Variants in BABAM2 observed in about 807,000 individuals in gnomAD.
BABAM2 encodes the protein BRISC and BRCA1 A complex member 2, also known as BRISC and BRCA1-A complex member 2.
Under a neutral mutation model 54.7 loss-of-function variants are expected in BABAM2, and 31 were observed. The observed-to-expected ratio is 0.57, with a 90% CI of 0.43 to 0.77. The LOEUF is 0.77. Ranked by LOEUF, BABAM2 falls within the 30% of genes least tolerant of loss-of-function variation. The probability of loss-of-function intolerance (pLI) is 0.00; values close to 1 mark genes in which losing one functional copy is unlikely to be tolerated. For missense variants in BABAM2, 364 were observed against 455.8 expected (o/e 0.80, Z 1.83); for synonymous variants, 167 against 162.9 (o/e 1.03, Z -0.19).
intron 6 of BABAM2, among the ~76,000 whole-genome samples, chr2:28,088,262 G>A (rs887847370): frequency 6.6e-6 from 1 of 152,068 alleles, no homozygotes; most frequent in African/African-American, 2.4e-5. Flanking sequence ...TTAATCACTA[G>A]TACTTACAAT....
chr2:28,260,946 T>C (rs146283343), intron 10 of BABAM2, among the ~76,000 whole-genome samples: 24,546 of 147,016 alleles, frequency 0.17, 1,952 homozygotes, highest in African/African-American at 0.19. Flanking sequence ...TCTTTCTTTT[T>C]TTTTTTTTTT....
chr2:28,112,814 A>T (rs1011346521), intron 6 of BABAM2, among the ~76,000 whole-genome samples: 23 of 151,982 alleles, frequency 1.5e-4, no homozygotes, highest in Admixed American at 1.2e-3. Flanking sequence ...ACTAATTTAC[A>T]CTCTCAACAG....
At position 27,995,085 on chromosome 2, in the gene BABAM2, C is replaced by T. The variant is rs1673047248; in HGVS notation, c.300+6998C>T. 6.6e-6 allele frequency among the ~76,000 whole-genome samples: 1 copy of T among 152,180 alleles called. No homozygotes were observed. The highest frequency in any genetic ancestry group is 2.1e-4 in the South Asian group (1 of 4,830). On this transcript the variant is annotated intron_variant, in intron 4 of 11. Transcript: ENST00000379624. This position sits in a 1 kb window ranked among gnomAD's most constrained non-coding sequence, Gnocchi z 4.1. ...CCCTTTCCCCCATCACACCCCGTCA[C>T]AGCTGAGATTCCTACCTCCTTGTTG... is the stretch of plus-strand genomic sequence containing the variant.
intron 2 of BABAM2, among the ~76,000 whole-genome samples, chr2:27,924,066 T>G (rs1026655670): frequency 5.3e-5 from 8 of 152,232 alleles, no homozygotes; most frequent in African/African-American, 1.9e-4. Context: ...TTCTGAAATC[T>G]GTCTATGTGT....
At chr2:28,168,789 GT>G (rs1179933990) in intron 7 of BABAM2, among the ~76,000 whole-genome samples, 1 of 152,168 alleles carries the variant, frequency 6.6e-6, no homozygotes, top group African/African-American at 2.4e-5. Context: ...TGTCTTCACA[GT>G]TTTTTTCCCT....
chr2:28,308,279 C>G (rs1320772195), intron 11 of BABAM2: 1 of 404,202 alleles, frequency 2.5e-6, no homozygotes, highest in South Asian at 2.1e-5. Context: ...AAGATCCAAT[C>G]CACACATCAC....
At chr2:28,127,416 G>A (rs1231576189) in intron 6 of BABAM2, among the ~76,000 whole-genome samples, 1 of 152,138 alleles carries the variant, frequency 6.6e-6, no homozygotes, top group African/African-American at 2.4e-5. Context: ...GGGGTCAGTA[G>A]TAGGCTATCG....
rs184000204 is a variant in BABAM2 at position 28,288,404 on chromosome 2, C to T, written c.935-9934C>T. Among the ~76,000 whole-genome samples, 682 of 150,708 alleles carry T rather than the reference C, an allele frequency of 4.5e-3. 6 individuals are homozygous for T. Among genetic ancestry groups the T allele is most frequent in the African/African-American group, 0.016 (642 of 40,964 alleles). Reference sequence around the variant, plus strand: ...GCAATGGCGTGATCTCACCTCATTGCAACCTCCCCCTCCCCGGTTCAAGCA... The same window carrying T: ...GCAATGGCGTGATCTCACCTCATTGTAACCTCCCCCTCCCCGGTTCAAGCA... On this transcript the variant is annotated intron_variant, in intron 10 of 11. Transcript: ENST00000379624.
At chr2:28,212,309 G>A (rs951485823) in intron 7 of BABAM2, among the ~76,000 whole-genome samples, 20 of 152,172 alleles carry the variant, frequency 1.3e-4, no homozygotes, top group African/African-American at 4.8e-4. Context: ...TAGGTTCATT[G>A]GGCTATGCTT....
intron 5 of BABAM2, among the ~76,000 whole-genome samples, chr2:28,028,623 C>A (rs912826253): frequency 6.6e-6 from 1 of 152,096 alleles, no homozygotes; most frequent in African/African-American, 2.4e-5. Flanking sequence ...ATTCCATAAA[C>A]GTTTTTGAAT....
chr2:28,334,559 C>T (rs1691251523), intron 11 of BABAM2, among the ~76,000 whole-genome samples: 1 of 152,264 alleles, frequency 6.6e-6, no homozygotes, highest in Admixed American at 6.5e-5. Context: ...TGGGATGGGC[C>T]AGACTCCACA....
intron 6 of BABAM2, among the ~76,000 whole-genome samples, chr2:28,095,816 G>T (rs771480464): frequency 6.6e-6 from 1 of 152,176 alleles, no homozygotes; most frequent in Non-Finnish European, 1.5e-5. Flanking sequence ...AATCCTGGGT[G>T]TTGCATCCTA....
At chr2:28,179,802 A>C (rs1279499132) in intron 7 of BABAM2, among the ~76,000 whole-genome samples, 1 of 152,228 alleles carries the variant, frequency 6.6e-6, no homozygotes, top group Non-Finnish European at 1.5e-5. Flanking sequence ...ATCAACATAC[A>C]AAATAAATAG....
In BABAM2 at chr2:28,329,493, G is replaced by A. The variant is rs1172360216; in HGVS notation, c.1089-8957G>A. On this transcript the variant is annotated intron_variant, in intron 11 of 11. Transcript: ENST00000379624. The surrounding 1 kb of genome is among the most constrained non-coding windows in gnomAD (Gnocchi z 4.2). The stretch of plus-strand genomic sequence containing the variant: ...TGCTAGTCAATAAAAAATGATAAAG[G>A]GGCTATCACCACTGACCCCACAGAA... 6.6e-6 allele frequency among the ~76,000 whole-genome samples: 1 copy of A among 151,976 alleles called. No individual in the cohort carries two copies. The highest frequency in any genetic ancestry group is 6.6e-5 in the Admixed American group (1 of 15,236).
At chr2:28,006,370 A>G (rs1338817553) in intron 4 of BABAM2, among the ~76,000 whole-genome samples, 1 of 152,078 alleles carries the variant, frequency 6.6e-6, no homozygotes, top group Non-Finnish European at 1.5e-5. Flanking sequence ...AATAAGGACT[A>G]TGTGCTTTAT....
chr2:28,336,313 T>C (rs966356393), intron 11 of BABAM2, among the ~76,000 whole-genome samples: 17 of 152,180 alleles, frequency 1.1e-4, no homozygotes, highest in African/African-American at 4.1e-4. Context: ...AAACTGAAGG[T>C]TCTGTTACAG....
intron 6 of BABAM2, among the ~76,000 whole-genome samples, chr2:28,070,887 A>G (rs1664075521): frequency 6.6e-6 from 1 of 152,160 alleles, no homozygotes; most frequent in Non-Finnish European, 1.5e-5. Flanking sequence ...ATACCTTTAG[A>G]AAAAAAGGTG....
chr2:28,120,245 A>T (rs1668956006), intron 6 of BABAM2, among the ~76,000 whole-genome samples: 1 of 152,222 alleles, frequency 6.6e-6, no homozygotes, highest in South Asian at 2.1e-4. Flanking sequence ...AATATCATTT[A>T]TTCTTGGATA....
Position 28,050,667 on chromosome 2 carries a change from T to C in BABAM2, c.570+4868T>C, listed in dbSNP as rs151037753. On this transcript the variant is annotated intron_variant, in intron 6 of 11. Coordinates refer to ENST00000379624, the MANE Select transcript of BABAM2 (RefSeq NM_199191.3). ...ATATAATTGATAAGTTAACATTTAC[T>C]GATAAATAGTTAAGTGTTAACTTGT... is the stretch of plus-strand genomic sequence containing the variant. Among the ~76,000 whole-genome samples the C allele has an allele frequency of 3.3e-5, 5 of 152,344 alleles. No homozygotes were observed. The East Asian group carries it at 9.6e-4, about 29-fold the overall frequency.
Sources: gnomAD v4.1 joint callset for allele counts (sites outside exome capture counted in the v4.1 genomes callset) on GRCh38, gnomAD v4.1.1 for gene constraint, Gnocchi (gnomAD v3.1) non-coding constraint, MANE v1.5 for transcripts, NCBI Gene and HGNC (gene_info 2026-07-23, HGNC 2026-07-21) for gene names.